AGBL4: variants seen among roughly 807,000 people sequenced by gnomAD.
AGBL4 encodes cytosolic carboxypeptidase 6.
Under a neutral mutation model 66.4 loss-of-function variants are expected in AGBL4, and 58 were observed. The ratio of observed to expected loss-of-function variants is 0.87; its 90% confidence interval spans 0.71 to 1.09. The LOEUF is 1.09. AGBL4 is among the 50% of genes least tolerant of loss of function. AGBL4 has a pLI of 0.00. For missense variants in AGBL4, 579 were observed against 631.0 expected, an observed-to-expected ratio of 0.92 and a Z score of 0.88; for synonymous variants, 234 against 222.9, an observed-to-expected ratio of 1.05 and a Z score of -0.44.
chr1:48,941,667 C>T (rs907405055), intron 5 of AGBL4, among the ~76,000 whole-genome samples: 2 of 152,148 alleles, frequency 1.3e-5, no homozygotes, highest in Admixed American at 1.3e-4. Flanking sequence ...TGCAGAAATA[C>T]AGTTAATAAT....
At chr1:48,610,811 G>C (rs1645226502) in intron 9 of AGBL4, among the ~76,000 whole-genome samples, 2 of 152,006 alleles carry the variant, frequency 1.3e-5, no homozygotes, top group Non-Finnish European at 2.9e-5. Flanking sequence ...CCTGTCTCCT[G>C]CACCTCAGGA....
At chr1:49,447,338 G>T (rs1452422901) in intron 3 of AGBL4, among the ~76,000 whole-genome samples, 1 of 152,140 alleles carries the variant, frequency 6.6e-6, no homozygotes, top group Non-Finnish European at 1.5e-5. Flanking sequence ...TTTCCCCAGG[G>T]ATTAATACTG....
At chr1:49,511,614 A>T (rs534746215) in intron 3 of AGBL4, among the ~76,000 whole-genome samples, 98 of 151,848 alleles carry the variant, frequency 6.5e-4, no homozygotes, top group South Asian at 1.2e-3. Context: ...ATTAAAAAAA[A>T]TTTTTTTTTA....
At chr1:49,106,097 C>T (rs1394967404) in intron 4 of AGBL4, among the ~76,000 whole-genome samples, 2 of 152,272 alleles carry the variant, frequency 1.3e-5, no homozygotes. Context: ...TTCAAAATAT[C>T]TCTTTCTTTG....
chr1:48,870,084 A>AACCATGGAAACCTCAAGATTTCC (rs1648499119), intron 5 of AGBL4, among the ~76,000 whole-genome samples: 1 of 152,004 alleles, frequency 6.6e-6, no homozygotes, highest in Non-Finnish European at 1.5e-5. Flanking sequence ...TGAAGATTTC[A>AACCATGGAAACCTCAAGATTTCC]ACCATGGAAA....
chr1:49,905,000 A>C (rs1650133474), intron 1 of AGBL4, among the ~76,000 whole-genome samples: 2 of 152,216 alleles, frequency 1.3e-5, no homozygotes, highest in Non-Finnish European at 2.9e-5. Flanking sequence ...TTTATGACGA[A>C]GTATTATTCA....
chr1:49,899,295 G>A (rs1649533491), intron 1 of AGBL4, among the ~76,000 whole-genome samples: 1 of 151,554 alleles, frequency 6.6e-6, no homozygotes, highest in African/African-American at 2.4e-5. Context: ...TTAAAATAAT[G>A]AATAAGACAC....
chr1:49,861,496 C>A (rs1646571977), intron 1 of AGBL4, among the ~76,000 whole-genome samples: 1 of 152,112 alleles, frequency 6.6e-6, no homozygotes, highest in Non-Finnish European at 1.5e-5. Context: ...CAGGCCCTAG[C>A]ACCCAGATGA....
intron 3 of AGBL4, among the ~76,000 whole-genome samples, chr1:49,617,270 T>C (rs1354540196): frequency 2.0e-5 from 3 of 152,214 alleles, no homozygotes; most frequent in African/African-American, 7.2e-5. Flanking sequence ...TCATATGCTC[T>C]GCCCTCAGAT....
At chr1:49,763,072 G>A (rs1048493736) in intron 2 of AGBL4, among the ~76,000 whole-genome samples, 1 of 152,180 alleles carries the variant, frequency 6.6e-6, no homozygotes, top group Non-Finnish European at 1.5e-5. Context: ...TATGATGAGA[G>A]TTAGGAGTCT....
chr1:49,363,583 G>A (rs747856815), intron 3 of AGBL4, among the ~76,000 whole-genome samples: 4 of 152,146 alleles, frequency 2.6e-5, no homozygotes, highest in Non-Finnish European at 5.9e-5. Context: ...TTAGAAGATT[G>A]CCACTAGGGG....
intron 3 of AGBL4, among the ~76,000 whole-genome samples, chr1:49,329,693 A>C (rs1387462611): frequency 6.6e-6 from 1 of 150,524 alleles, no homozygotes; most frequent in Non-Finnish European, 1.5e-5. Context: ...ACATGTGAAC[A>C]CATGTGAACA....
At position 48,988,357 on chromosome 1, in the gene AGBL4, T is replaced by C. The variant is rs570288864; in HGVS notation, c.594+57227A>G. On this transcript the variant is annotated intron_variant, in intron 5 of 13. Transcript: ENST00000371839. ...ATGAGTGGGGATTGTGTTTGACTTC[T>C]ATTTTATGCTCATTATCTAACACAA... is the stretch of plus-strand genomic sequence containing the variant. Among the ~76,000 whole-genome samples the C allele has an allele frequency of 1.3e-3, 195 of 152,282 alleles. 7 individuals carry two copies. The South Asian group carries it at 0.039, about 31-fold the overall frequency.
intron 1 of AGBL4, among the ~76,000 whole-genome samples, chr1:49,871,477 CTGTTA>C (rs1027764684): frequency 6.6e-6 from 1 of 152,006 alleles, no homozygotes; most frequent in African/African-American, 2.4e-5. Flanking sequence ...TGATCCTATT[CTGTTA>C]TATCAAGTGT....
intron 3 of AGBL4, among the ~76,000 whole-genome samples, chr1:49,668,232 G>A (rs1646406963): frequency 6.6e-6 from 1 of 152,132 alleles, no homozygotes; most frequent in South Asian, 2.1e-4. Flanking sequence ...ATGTAGCTTT[G>A]TAGTATTTCT....
intron 4 of AGBL4, among the ~76,000 whole-genome samples, chr1:49,189,950 C>T (rs1170250525): frequency 6.6e-6 from 1 of 152,120 alleles, no homozygotes; most frequent in Non-Finnish European, 1.5e-5. Flanking sequence ...TTCAACAGGA[C>T]ACTCCTGTTA....
At chr1:49,405,637 T>C (rs1463916201) in intron 3 of AGBL4, among the ~76,000 whole-genome samples, 1 of 152,190 alleles carries the variant, frequency 6.6e-6, no homozygotes, top group Non-Finnish European at 1.5e-5. Flanking sequence ...ATCTTCCTTT[T>C]CTTCCCTTTG....
In AGBL4 at chr1:48,653,380, C is replaced by T. The variant is rs200088334; in HGVS notation, c.796G>A (p.Ala266Thr). The change falls in exon 8 of 14, where the codon GCA becomes ACA. Residue 266 changes from alanine (A) to threonine (T), a missense_variant. By Grantham distance (58) the Ala-to-Thr change is moderately conservative. Coordinates refer to ENST00000371839, the MANE Select transcript of AGBL4 (RefSeq NM_032785.4). Reference protein sequence around the residue: ...VLREYLVFKIAPMLNPDGVYL... With the variant: ...VLREYLVFKITPMLNPDGVYL... ...ACTCCATCAGGATTGAGCATTGGTG[C>T]GATCTTGAAGACCAGGTATTCCCGG... 1.4e-4 allele frequency: 223 copies of T among 1,587,758 alleles called. No homozygotes were observed. In the African/African-American group the frequency reaches 2.3e-3, roughly 16 times the overall value.
Position 48,579,781 on chromosome 1 carries a change from G to A in AGBL4, c.1267+7223C>T, listed in dbSNP as rs1309657659. On this transcript the variant is annotated intron_variant, in intron 11 of 13. Transcript: ENST00000371839. ...AAAAAAAAAAAAATTAGCCGGGCAC[G>A]GTGGCGGGCGCCTGTAGTCCCAGCT... Among the ~76,000 whole-genome samples the A allele has an allele frequency of 8.0e-5, 12 of 150,808 alleles. No homozygotes were observed. The East Asian group carries it at 1.2e-3, about 15-fold the overall frequency.
Sources: gnomAD v4.1 joint callset for allele counts (sites outside exome capture counted in the v4.1 genomes callset) on GRCh38, gnomAD v4.1.1 for gene constraint, MANE v1.5 for transcripts, NCBI Gene and HGNC (gene_info 2026-07-23, HGNC 2026-07-21) for gene names.